The following NPAS4 variants were observed in gnomAD, a reference collection of about 807,000 sequenced individuals.
NPAS4 encodes neuronal PAS domain protein 4.
NPAS4 carries 10 observed loss-of-function variants against 64.0 expected under a neutral mutation model. The observed-to-expected ratio is 0.16, with a 90% CI of 0.10 to 0.26. The LOEUF is 0.26. Ranked by LOEUF, NPAS4 falls within the 10% of genes least tolerant of loss-of-function variation. NPAS4 has a pLI of 1.00. For missense variants in NPAS4, 886 were observed against 992.6 expected (o/e 0.89, Z 1.44); for synonymous variants, 441 against 411.7 (o/e 1.07, Z -0.86).
chr11:66,416,416 A>G (rs1233578860), upstream of NPAS4, among the ~76,000 whole-genome samples: 3 of 152,234 alleles, frequency 2.0e-5, no homozygotes, highest in African/African-American at 7.2e-5. Context: ...GTCATTTGGC[A>G]ACAAGCTACA....
chr11:66,413,890 G>A, the NPAS4 span, among the ~76,000 whole-genome samples: 1 of 152,150 alleles, frequency 6.6e-6, no homozygotes, highest in South Asian at 2.1e-4. Context: ...CCAGCCTGCA[G>A]GTTCCATGAG....
At chr11:66,413,632 C>G in the NPAS4 span, among the ~76,000 whole-genome samples, 2 of 152,358 alleles carry the variant, frequency 1.3e-5, no homozygotes, top group South Asian at 2.1e-4. Flanking sequence ...TTGTGGCTAC[C>G]TGGCACTGTG....
At chr11:66,423,794 G>C in intron 6 of NPAS4, 41 bp from the exon 7 acceptor site, 1 of 1,603,470 alleles carries the variant, frequency 6.2e-7, no homozygotes, top group South Asian at 1.1e-5. Context: ...TCTGGATATG[G>C]ACGTCGGACC....
At position 66,422,953 on chromosome 11, in the gene NPAS4, G is replaced by T; in HGVS notation, c.698+12G>T. 6.2e-7 allele frequency: 1 copy of T among 1,601,410 alleles called. No individual in the cohort carries two copies. Among genetic ancestry groups the T allele is most frequent in the South Asian group, 1.1e-5 (1 of 91,016 alleles). On this transcript the variant is annotated intron_variant, in intron 4 of 7. Coordinates refer to ENST00000311034, the MANE Select transcript of NPAS4 (RefSeq NM_178864.4). ...GACATCTCCGAGAGGTAAGCCTGGA[G>T]TGTTCAGATTCCAAGAGAAAGGCAG...
upstream of NPAS4, among the ~76,000 whole-genome samples, chr11:66,418,515 A>G (rs1565238658): frequency 4.6e-5 from 7 of 152,186 alleles, no homozygotes; most frequent in Admixed American, 4.6e-4. Flanking sequence ...GCCTAGGGAG[A>G]GGAGACATTG....
upstream of NPAS4, chr11:66,416,834 C>T (rs1240894715): frequency 6.6e-6 from 1 of 152,206 alleles, no homozygotes; most frequent in Non-Finnish European, 1.5e-5. Flanking sequence ...CTTTGACAGC[C>T]CTCTGTCAAG....
At chr11:66,414,960 A>G in the NPAS4 span, among the ~76,000 whole-genome samples, 8 of 152,202 alleles carry the variant, frequency 5.3e-5, no homozygotes, top group Non-Finnish European at 7.3e-5. Context: ...CTGAGAAGGC[A>G]TAGAGAGATT....
At chr11:66,414,012 G>A in the NPAS4 span, among the ~76,000 whole-genome samples, 1 of 152,218 alleles carries the variant, frequency 6.6e-6, no homozygotes, top group Non-Finnish European at 1.5e-5. Context: ...CCTGCCCTGT[G>A]CCAGGCCTTG....
rs771291259 is a variant in NPAS4 at position 66,423,680 on chromosome 11, A to G, written c.911A>G (p.Glu304Gly). Residue 304 changes from glutamate to glycine, a missense_variant, in exon 6 of 8, where the codon GAG (glutamate) becomes GGG (glycine). Glu to Gly is a moderately conservative substitution (Grantham distance 98). This residue lies in a region of NPAS4 where 820 missense variants were observed against 855.5 expected (regional missense o/e 0.96). Transcript: ENST00000311034. ...TGCCTGTTATACTCAGAAGGTCCAG[A>G]GGGACCCATTACTGCCAATAACTAC... Reference protein sequence around the residue: ...IYCLLYSEGPEGPITANNYPI... With the variant: ...IYCLLYSEGPGGPITANNYPI... 4.3e-6 allele frequency: 7 copies of G among 1,614,068 alleles called. No homozygotes were observed. The South Asian group carries it at 7.7e-5, about 18-fold the overall frequency.
rs2134648206 is a variant in NPAS4, at chr11:66,425,259, G to T, written c.2369G>T (p.Ser790Ile). 6.7e-7 allele frequency: 1 copy of T among 1,500,594 alleles called. No homozygotes were observed. The highest frequency in any genetic ancestry group is 8.9e-7 in the Non-Finnish European group (1 of 1,125,872). 93.0% of individuals were successfully genotyped at this position (1,500,594 alleles called of 1,614,324 possible). The change falls in exon 7 of 8, where the codon AGC (serine) becomes ATC (isoleucine). Residue 790 changes from serine (S) to isoleucine (I), a missense_variant. Ser to Ile is a moderately radical substitution (Grantham distance 142). Transcript: ENST00000311034. ...LHQLQSQVQD[S>I]FHEDGSGGEP... ...CAACTCCAGAGCCAAGTTCAAGACA[G>T]CTTCCATGAAGGTGAGTCAGCCAAA...
At position 66,424,612 on chromosome 11, in the gene NPAS4, G is replaced by T. The variant is rs1171011062; in HGVS notation, c.1722G>T (p.Leu574Phe). 3 of 1,613,976 alleles carry T rather than the reference G, an allele frequency of 1.9e-6. No individual in the cohort carries two copies. ...GATGCAGTTTTCTCTATGAGAAGTT[G>T]CCCCCAAGTCCTAGCAGCCCTGGTA... ...QEGCSFLYEK[L>F]PPSPSSPGNG... The change falls in exon 7 of 8, where the codon TTG becomes TTT. Residue 574 changes from leucine (L) to phenylalanine (F), a missense_variant. Transcript: ENST00000311034.
chr11:66,419,205 G>A (rs1264098840), upstream of NPAS4, among the ~76,000 whole-genome samples: 1 of 152,162 alleles, frequency 6.6e-6, no homozygotes, highest in Non-Finnish European at 1.5e-5. Flanking sequence ...TGGGGTTAGA[G>A]ACAGTGGCAG....
chr11:66,425,253 A>G lies in NPAS4; in HGVS notation c.2363A>G (p.Gln788Arg). 1 of 1,505,958 alleles carries G rather than the reference A, an allele frequency of 6.6e-7. No individual in the cohort carries two copies. The highest frequency in any genetic ancestry group is 8.9e-7 in the Non-Finnish European group (1 of 1,128,842). 93.3% of individuals were successfully genotyped at this position (1,505,958 alleles called of 1,614,324 possible). The change falls in exon 7 of 8, where the codon CAA (glutamine) becomes CGA (arginine). Residue 788 changes from glutamine (Q) to arginine (R), a missense_variant. This residue lies in a region of NPAS4 where 28 missense variants were observed against 57.0 expected (regional missense o/e 0.49). Transcript: ENST00000311034. ...DELHQLQSQVQDSFHEDGSGG... is the reference protein window; with the variant it reads ...DELHQLQSQVRDSFHEDGSGG... ...TTGCATCAACTCCAGAGCCAAGTTC[A>G]AGACAGCTTCCATGAAGGTGAGTCA...
chr11:66,426,282 C>T lies in NPAS4; in HGVS notation c.*293C>T, dbSNP rs1488574632. 1.1e-5 allele frequency: 4 copies of T among 363,632 alleles called. No homozygotes were observed. The highest frequency in any genetic ancestry group is 6.6e-5 in the South Asian group (2 of 30,380). 22.5% of individuals were successfully genotyped at this position (363,632 alleles called of 1,614,324 possible). ...GGAGAATGGGGGAGTCTCACTTCCCCGCCGCCTTGCCCCATTGGCCTGGGC... is the reference window on the plus strand; with the variant it reads ...GGAGAATGGGGGAGTCTCACTTCCCTGCCGCCTTGCCCCATTGGCCTGGGC... On this transcript the variant is annotated 3_prime_UTR_variant, in exon 8 of 8. Transcript: ENST00000311034.
the NPAS4 span, among the ~76,000 whole-genome samples, chr11:66,415,917 G>A: frequency 6.6e-6 from 1 of 152,208 alleles, no homozygotes; most frequent in African/African-American, 2.4e-5. Context: ...GAGGTCAGGA[G>A]TTCAAGACCA....
chr11:66,420,198 C>T (rs1034895123), upstream of NPAS4, among the ~76,000 whole-genome samples: 6 of 152,264 alleles, frequency 3.9e-5, no homozygotes, highest in East Asian at 9.6e-4. Flanking sequence ...CCCCCACGTC[C>T]CTGCCTCAGT....
Position 66,423,955 on chromosome 11 carries a change from G to C in NPAS4, c.1065G>C (p.Glu355Asp), listed in dbSNP as rs749433719. The change falls in exon 7 of 8, where the codon GAG becomes GAC. Residue 355 changes from glutamate (E) to aspartate (D), a missense_variant. Transcript: ENST00000311034. ...CTGAAAACATTCTTTCCCAGGAAGA[G>C]TGCTCCAGCACTAACCCACTCTTCA... ...SFPENILSQEECSSTNPLFTA... is the reference protein window; with the variant it reads ...SFPENILSQEDCSSTNPLFTA... 5.0e-6 allele frequency: 8 copies of C among 1,613,970 alleles called. No individual in the cohort carries two copies. Among genetic ancestry groups the C allele is most frequent in the African/African-American group, 1.3e-5 (1 of 74,882 alleles).
At chr11:66,420,698 GC>G (rs1196331829), upstream of NPAS4, among the ~76,000 whole-genome samples, 3 of 152,178 alleles carry the variant, frequency 2.0e-5, no homozygotes, top group African/African-American at 7.2e-5. Context: ...CCTAAACCTG[GC>G]CCTGTCGCTT....
chr11:66,415,250 A>G, the NPAS4 span, among the ~76,000 whole-genome samples: 2 of 152,166 alleles, frequency 1.3e-5, no homozygotes, highest in African/African-American at 4.8e-5. Context: ...CTGGAAACCA[A>G]TAAGGAGCCT....
Sources: allele counts gnomAD v4.1 joint callset (sites outside exome capture counted in the v4.1 genomes callset), GRCh38; gene constraint gnomAD v4.1.1; regional missense constraint gnomAD v4.1.1; transcripts MANE v1.5; gene names NCBI Gene and HGNC (gene_info 2026-07-23, HGNC 2026-07-21).